The following SFI1 variants were observed in gnomAD, a reference collection of about 807,000 sequenced individuals.
SFI1 encodes the protein protein SFI1 homolog.
Under a neutral mutation model 207.5 loss-of-function variants are expected in SFI1, and 195 were observed. That is an observed-to-expected ratio of 0.94 (90% CI 0.84 to 1.06). The LOEUF (loss-of-function observed/expected upper bound fraction) is 1.06, where lower values mean the gene tolerates loss of function less well. SFI1 is among the 50% of genes least tolerant of loss of function. The pLI is 0.00. For missense variants in SFI1, 1,634 were observed against 1,588.0 expected (o/e 1.03, Z -0.49); for synonymous variants, 630 against 598.9 (o/e 1.05, Z -0.76).
intron 13 of SFI1, 150 bp downstream of exon 13, chr22:31,584,122 C>T (rs2064707868): frequency 1.5e-6 from 1 of 679,636 alleles, no homozygotes. Context: ...ACCATTTGTT[C>T]CTGACTTTGG....
At chr22:31,542,101 T>TAAAA (rs10651316) in intron 4 of SFI1, among the ~76,000 whole-genome samples, 6 of 114,428 alleles carry the variant, frequency 5.2e-5, no homozygotes, top group East Asian at 5.3e-4. Flanking sequence ...ACCCCGTCTT[T>TAAAA]AAAAAAAAAA....
intron 24 of SFI1, 66 bp from the exon 25 acceptor site, chr22:31,613,076 G>T (rs746147995): frequency 3.2e-6 from 5 of 1,545,168 alleles, no homozygotes; most frequent in Admixed American, 3.5e-5. Context: ...GCTGGGCAGG[G>T]CCCCGTGATC....
intron 1 of SFI1, 147 bp from the exon 2 acceptor site, chr22:31,508,108 A>T (rs1361218464): frequency 1.0e-5 from 4 of 391,672 alleles, no homozygotes; most frequent in Non-Finnish European, 1.9e-5. Flanking sequence ...ATTTAAATAT[A>T]ATATTTTAAG....
chr22:31,611,392 C>A, intron 23 of SFI1, 89 bp downstream of exon 23: 1 of 1,420,476 alleles, frequency 7.0e-7, no homozygotes, highest in South Asian at 1.4e-5. Flanking sequence ...AGGGGTCTTT[C>A]CTGACAGCAC....
chr22:31,508,242 CTT>C lies in SFI1; in HGVS notation c.-30-9_-30-8del. 1.4e-6 allele frequency: 2 copies of C among 1,426,822 alleles called. No individual in the cohort carries two copies. Among genetic ancestry groups the C allele is most frequent in the Non-Finnish European group, 2.0e-6 (2 of 1,010,414 alleles). The allele number at this position is 1,426,822 out of a possible 1,614,324, so 88.4% of individuals were successfully genotyped here. On this transcript the variant is annotated splice_polypyrimidine_tract_variant and intron_variant, in intron 1 of 32. Coordinates refer to ENST00000400288, the MANE Select transcript of SFI1 (RefSeq NM_001007467.3). ...AATCATTTTCTCTCTTTTTTATTCT[CTT>C]TTTCTTGTAGTTAGAAGGGGAAGAT...
Position 31,546,939 on chromosome 22 carries a change from G to T in SFI1, c.417G>T (p.Trp139Cys). The T allele has an allele frequency of 6.2e-7, 1 of 1,612,066 alleles. No homozygotes were observed. The highest frequency in any genetic ancestry group is 8.5e-7 in the Non-Finnish European group (1 of 1,179,108). The change falls in exon 5 of 33, where the codon TGG becomes TGT. Residue 139 changes from tryptophan to cysteine, a missense_variant. By Grantham distance (215) the Trp-to-Cys change is radical. Coordinates refer to ENST00000400288, the MANE Select transcript of SFI1 (RefSeq NM_001007467.3). Reference protein sequence around the residue: ...KEEWWVFQHEWKLCVRADCHY... With the variant: ...KEEWWVFQHECKLCVRADCHY... ...AGTGGTGGGTTTTCCAGCACGAGTGGAAACTCTGTGTTCGAGCTGACTGTC... is the reference window on the plus strand; with the variant it reads ...AGTGGTGGGTTTTCCAGCACGAGTGTAAACTCTGTGTTCGAGCTGACTGTC...
At chr22:31,529,698 G>A (rs1280440548) in intron 3 of SFI1, among the ~76,000 whole-genome samples, 3 of 152,170 alleles carry the variant, frequency 2.0e-5, no homozygotes, top group African/African-American at 7.2e-5. Flanking sequence ...GCAATGAGAG[G>A]AGAAGGATGT....
chr22:31,589,796 TTTGTG>T (rs886546209), intron 15 of SFI1, among the ~76,000 whole-genome samples: 5 of 148,924 alleles, frequency 3.4e-5, no homozygotes. Flanking sequence ...ATTTATTTTT[TTTGTG>T]TGTGTGTATA....
At chr22:31,576,950 C>T (rs931152140) in intron 10 of SFI1, among the ~76,000 whole-genome samples, 1 of 152,116 alleles carries the variant, frequency 6.6e-6, no homozygotes, top group African/African-American at 2.4e-5. Context: ...CAGCCATATT[C>T]TTAATCACTA....
intron 14 of SFI1, among the ~76,000 whole-genome samples, chr22:31,586,280 C>T (rs954349850): frequency 6.6e-6 from 1 of 152,160 alleles, no homozygotes; most frequent in African/African-American, 2.4e-5. Flanking sequence ...AGAGGCATAG[C>T]TTTATCAGAA....
chr22:31,598,770 T>C (rs1260216947), intron 15 of SFI1, among the ~76,000 whole-genome samples: 6 of 125,208 alleles, frequency 4.8e-5, no homozygotes, highest in African/African-American at 1.8e-4. Flanking sequence ...TTCTGTTGGA[T>C]TGATACAGTC....
At chr22:31,542,692 C>T (rs2059671429) in intron 4 of SFI1, among the ~76,000 whole-genome samples, 1 of 151,766 alleles carries the variant, frequency 6.6e-6, no homozygotes, top group African/African-American at 2.4e-5. Flanking sequence ...GACAGAGTCT[C>T]ACTATATCAT....
In SFI1 at chr22:31,606,450, G is replaced by A; in HGVS notation, c.2157+20G>A. 1 of 1,604,104 alleles carries A rather than the reference G, an allele frequency of 6.2e-7. No homozygotes were observed. Among genetic ancestry groups the A allele is most frequent in the Non-Finnish European group, 8.5e-7 (1 of 1,172,200 alleles). Reference sequence around the variant, plus strand: ...TCCAAGGTGAGGTATAAGGAGGCAAGCTGGTCACCCAGGAGAGTTGGGACT... The same window carrying A: ...TCCAAGGTGAGGTATAAGGAGGCAAACTGGTCACCCAGGAGAGTTGGGACT... On this transcript the variant is annotated intron_variant, in intron 21 of 32. Transcript: ENST00000400288.
intron 15 of SFI1, 74 bp downstream of exon 15, chr22:31,589,651 G>T: frequency 6.7e-7 from 1 of 1,500,544 alleles, no homozygotes; most frequent in Non-Finnish European, 8.9e-7. Context: ...CAGCCCATTT[G>T]CTGTGCTTTT....
chr22:31,604,426 C>G, intron 19 of SFI1, 22 bp downstream of exon 19: 5 of 1,484,022 alleles, frequency 3.4e-6, no homozygotes, highest in Non-Finnish European at 4.5e-6. Flanking sequence ...TGCTTCCCTC[C>G]TGATCTTGCT....
rs545413743 is a variant in SFI1 at position 31,564,704 on chromosome 22, C to T, written c.765+3312C>T. Among the ~76,000 whole-genome samples, 4 of 151,062 alleles carry T rather than the reference C, an allele frequency of 2.6e-5. No individual in the cohort carries two copies. In the East Asian group the frequency reaches 7.8e-4, roughly 29 times the overall value. On this transcript the variant is annotated intron_variant, in intron 8 of 32. Coordinates refer to ENST00000400288, the MANE Select transcript of SFI1 (RefSeq NM_001007467.3). ...TTTTTTTCCCTTGTGGAGTCGAGGT[C>T]TCACCATGTTGCCCAGGCTGGTCTG...
intron 20 of SFI1, chr22:31,605,985 C>T (rs2068901826): frequency 3.8e-6 from 1 of 261,322 alleles, no homozygotes; most frequent in Non-Finnish European, 7.4e-6. Context: ...CGTAGGCAAC[C>T]TTCCTCCAGG....
intron 2 of SFI1, among the ~76,000 whole-genome samples, chr22:31,512,709 C>T (rs892549134): frequency 2.9e-4 from 43 of 149,362 alleles, no homozygotes; most frequent in Admixed American, 1.1e-3. Flanking sequence ...TTTTTTGAGA[C>T]GGAGTCTAGC....
intron 2 of SFI1, among the ~76,000 whole-genome samples, chr22:31,526,606 C>T (rs1243272819): frequency 1.3e-5 from 2 of 152,162 alleles, no homozygotes; most frequent in African/African-American, 4.8e-5. Flanking sequence ...CACTTTGTCG[C>T]CCAGGCTGGA....
Sources: allele counts gnomAD v4.1 joint callset (sites outside exome capture counted in the v4.1 genomes callset), GRCh38; gene constraint gnomAD v4.1.1; transcripts MANE v1.5; gene names NCBI Gene and HGNC (gene_info 2026-07-23, HGNC 2026-07-21).